Variants in CREB5 observed in about 807,000 individuals in gnomAD.
CREB5 encodes cAMP responsive element binding protein 5.
Under a neutral mutation model 57.1 loss-of-function variants are expected in CREB5, and 19 were observed. That is an observed-to-expected ratio of 0.33 (90% CI 0.23 to 0.49). The LOEUF (loss-of-function observed/expected upper bound fraction) is 0.49. Ranked by LOEUF, CREB5 falls within the 20% of genes least tolerant of loss-of-function variation. The pLI is 0.99. For missense variants in CREB5, 579 were observed against 671.6 expected (o/e 0.86, Z 1.52); for synonymous variants, 238 against 238.3 (o/e 1.00, Z 0.01).
chr7:28,518,334 G>GT (rs1435029675), intron 4 of CREB5, among the ~76,000 whole-genome samples: 2 of 152,192 alleles, frequency 1.3e-5, no homozygotes, highest in African/African-American at 4.8e-5. Flanking sequence ...AAGCAGTCGT[G>GT]TTTTGTGTGA....
At chr7:28,534,304 C>A (rs1021003851) in intron 4 of CREB5, among the ~76,000 whole-genome samples, 2 of 152,166 alleles carry the variant, frequency 1.3e-5, no homozygotes, top group African/African-American at 4.8e-5. Flanking sequence ...GGAGGCCCTG[C>A]CTTCTAGGAA....
intron 5 of CREB5, among the ~76,000 whole-genome samples, chr7:28,607,027 T>A (rs1030324491): frequency 6.6e-6 from 1 of 152,186 alleles, no homozygotes; most frequent in Non-Finnish European, 1.5e-5. Flanking sequence ...CATCTTACAC[T>A]GGTATAGAAC....
intron 5 of CREB5, among the ~76,000 whole-genome samples, chr7:28,655,112 A>G (rs1297494622): frequency 1.3e-5 from 2 of 152,214 alleles, no homozygotes; most frequent in Non-Finnish European, 2.9e-5. Flanking sequence ...CATGTTGCCC[A>G]GGCTGGTCTT....
chr7:28,562,421 A>T (rs761327291), intron 4 of CREB5, among the ~76,000 whole-genome samples: 6 of 152,240 alleles, frequency 3.9e-5, no homozygotes, highest in Non-Finnish European at 7.3e-5. Context: ...TCAGAGCTCC[A>T]TTGCCTCAAA....
At chr7:28,395,131 T>C (rs534321193) in intron 1 of CREB5, among the ~76,000 whole-genome samples, 16 of 152,296 alleles carry the variant, frequency 1.1e-4, no homozygotes, top group Non-Finnish European at 1.9e-4. Flanking sequence ...CTTGGAAAAT[T>C]GTCTATATTA....
intron 7 of CREB5, among the ~76,000 whole-genome samples, chr7:28,741,290 G>A (rs1158407228): frequency 6.6e-6 from 1 of 152,116 alleles, no homozygotes; most frequent in Non-Finnish European, 1.5e-5. Flanking sequence ...GCCCACAAAA[G>A]CCTTTTATTC....
At chr7:28,772,774 G>A (rs772045686) in intron 7 of CREB5, among the ~76,000 whole-genome samples, 111 of 152,150 alleles carry the variant, frequency 7.3e-4, no homozygotes, top group Non-Finnish European at 7.6e-4. Flanking sequence ...GCTCACTCAG[G>A]TTTAGGATGC....
chr7:28,487,922 C>G (rs1052152149), intron 1 of CREB5, among the ~76,000 whole-genome samples: 1 of 152,148 alleles, frequency 6.6e-6, no homozygotes, highest in Admixed American at 6.5e-5. Flanking sequence ...TGCTACCTCC[C>G]CATAGCAGTT....
At chr7:28,460,085 A>G (rs373943820) in intron 1 of CREB5, among the ~76,000 whole-genome samples, 25 of 152,330 alleles carry the variant, frequency 1.6e-4, no homozygotes, top group African/African-American at 6.0e-4. Context: ...ATGTATGAAG[A>G]CATTCGATGG....
At chr7:28,746,858 T>C (rs918002252) in intron 7 of CREB5, among the ~76,000 whole-genome samples, 24 of 152,194 alleles carry the variant, frequency 1.6e-4, no homozygotes, top group Non-Finnish European at 3.1e-4. Context: ...CTTTCAGTAA[T>C]GAAATCCCCT....
At chr7:28,452,416 G>A (rs1490012687) in intron 1 of CREB5, among the ~76,000 whole-genome samples, 1 of 152,080 alleles carries the variant, frequency 6.6e-6, no homozygotes, top group East Asian at 1.9e-4. Flanking sequence ...TGCCCTAAAT[G>A]TAATATAACA....
At chr7:28,655,675 A>G (rs1027238588) in intron 5 of CREB5, among the ~76,000 whole-genome samples, 1 of 152,226 alleles carries the variant, frequency 6.6e-6, no homozygotes, top group South Asian at 2.1e-4. Context: ...AAACTGAACT[A>G]TGCATTTAAA....
chr7:28,666,406 G>A (rs915685544), intron 5 of CREB5, among the ~76,000 whole-genome samples: 3 of 152,198 alleles, frequency 2.0e-5, no homozygotes, highest in African/African-American at 7.2e-5. Flanking sequence ...CCCTGGAGGT[G>A]TCAGTGATGA....
intron 7 of CREB5, among the ~76,000 whole-genome samples, chr7:28,770,880 A>G (rs535342695): frequency 1.3e-5 from 2 of 152,250 alleles, no homozygotes; most frequent in Non-Finnish European, 2.9e-5. Context: ...GACTACAGTT[A>G]ACAGTACTCA....
chr7:28,596,197 A>G (rs557790939), intron 5 of CREB5, among the ~76,000 whole-genome samples: 3 of 152,300 alleles, frequency 2.0e-5, no homozygotes, highest in South Asian at 4.1e-4. Flanking sequence ...GCAGTCCCCT[A>G]AATCAATTAT....
At chr7:28,806,424 T>C (rs947256029) in intron 8 of CREB5, among the ~76,000 whole-genome samples, 1 of 152,218 alleles carries the variant, frequency 6.6e-6, no homozygotes, top group African/African-American at 2.4e-5. Flanking sequence ...ATTGTATGAT[T>C]ATCTGAAAGT....
chr7:28,602,368 CT>C lies in CREB5; in HGVS notation c.464+31832del, dbSNP rs113872811. Among the ~76,000 whole-genome samples the C allele has an allele frequency of 3.6e-3, 550 of 152,310 alleles. 5 individuals carry two copies. Among genetic ancestry groups the C allele is most frequent in the African/African-American group, 0.013 (523 of 41,564 alleles). ...TCTCAAACTCCTGACCTCAGGTGATCTGTCCACCTCGGCCTCCCAAAGTGCT... is the reference window on the plus strand; with the variant it reads ...TCTCAAACTCCTGACCTCAGGTGATCGTCCACCTCGGCCTCCCAAAGTGCT... On this transcript the variant is annotated intron_variant, in intron 5 of 10. Transcript: ENST00000357727.
chr7:28,745,307 T>A (rs966581058), intron 7 of CREB5, among the ~76,000 whole-genome samples: 23 of 152,236 alleles, frequency 1.5e-4, no homozygotes, highest in Non-Finnish European at 2.8e-4. Flanking sequence ...ATTTCCTTGT[T>A]AATAGTGACA....
intron 1 of CREB5, among the ~76,000 whole-genome samples, chr7:28,389,679 G>T (rs1317317645): frequency 2.0e-5 from 3 of 150,136 alleles, no homozygotes; most frequent in Non-Finnish European, 4.4e-5. Context: ...TTTCTGCTTA[G>T]AAGTCGTTAG....
Sources: allele counts gnomAD v4.1 joint callset (sites outside exome capture counted in the v4.1 genomes callset), GRCh38; gene constraint gnomAD v4.1.1; transcripts MANE v1.5; gene names NCBI Gene and HGNC (gene_info 2026-07-23, HGNC 2026-07-21).